Variants in SV2B observed in about 807,000 individuals in gnomAD.
SV2B encodes the protein solute carrier family 22 member B2.
A neutral mutation model predicts 73.9 loss-of-function variants in SV2B; 41 were observed. That is an observed-to-expected ratio of 0.56 (90% confidence interval 0.43 to 0.72). The LOEUF (loss-of-function observed/expected upper bound fraction) is 0.72, where lower values mean the gene tolerates loss of function less well. Among genes scored for constraint, SV2B ranks in the 30% least tolerant of loss-of-function variants. The pLI, the probability that SV2B is intolerant of heterozygous loss-of-function variation, is 0.00. For missense variants in SV2B, 764 were observed against 857.8 expected, an observed-to-expected ratio of 0.89 and a Z score of 1.37; for synonymous variants, 314 against 314.2, an observed-to-expected ratio of 1.00 and a Z score of 0.01.
At position 91,297,535 on chromosome 15, in the gene SV2B, G is replaced by T. The variant is rs980864774; in HGVS notation, c.*4983G>T. Reference sequence around the variant, plus strand: ...CTGGGGATTTGGAATCTGGGGTGGGGTCTGAAGAATCTGCATTTTTTAACA... The same window carrying T: ...CTGGGGATTTGGAATCTGGGGTGGGTTCTGAAGAATCTGCATTTTTTAACA... On this transcript the variant is annotated 3_prime_UTR_variant, in exon 13 of 13. Transcript: ENST00000394232. This position sits in a 1 kb window ranked among gnomAD's most constrained non-coding sequence, Gnocchi z 5.1. 1 of 152,176 alleles carries T rather than the reference G, an allele frequency of 6.6e-6. No homozygotes were observed. The highest frequency in any genetic ancestry group is 2.4e-5 in the African/African-American group (1 of 41,434). The allele number at this position is 152,176 out of a possible 1,614,324, so 9.4% of individuals were successfully genotyped here.
At chr15:91,125,533 A>T in intron 1 of SV2B, among the ~76,000 whole-genome samples, 1 of 152,048 alleles carries the variant, frequency 6.6e-6, no homozygotes, top group Admixed American at 6.5e-5. Flanking sequence ...GCACTTTGGG[A>T]GGCTGAGGCA....
rs1251160592 is a variant in SV2B at position 91,132,207 on chromosome 15, C to T, written c.-392+31844C>T. Among the ~76,000 whole-genome samples, 1 of 152,242 alleles carries T rather than the reference C, an allele frequency of 6.6e-6. No homozygotes were observed. The highest frequency in any genetic ancestry group is 1.5e-5 in the Non-Finnish European group (1 of 68,040). Reference sequence around the variant, plus strand: ...CTCAAGAGCCCAGCTACAGAATCGTCTCGGGTCCAAATACCCTCTAGAAGT... The same window carrying T: ...CTCAAGAGCCCAGCTACAGAATCGTTTCGGGTCCAAATACCCTCTAGAAGT... On this transcript the variant is annotated intron_variant, in intron 1 of 12. Coordinates refer to ENST00000394232, the MANE Select transcript of SV2B (RefSeq NM_001323032.3). The surrounding 1 kb of genome is among the most constrained non-coding windows in gnomAD (Gnocchi z 4.6).
chr15:91,170,380 C>T (rs1213139771), intron 1 of SV2B, among the ~76,000 whole-genome samples: 7 of 152,130 alleles, frequency 4.6e-5, no homozygotes, highest in African/African-American at 1.2e-4. Context: ...CTCCACCTCC[C>T]GGGTTCAAGT....
intron 1 of SV2B, among the ~76,000 whole-genome samples, chr15:91,225,132 C>T (rs1197399884): frequency 4.6e-5 from 7 of 152,176 alleles, no homozygotes; most frequent in African/African-American, 9.7e-5. Context: ...TGGAAAGATG[C>T]GTGTATGGTC....
At chr15:91,272,975 G>A (rs989672331) in intron 9 of SV2B, among the ~76,000 whole-genome samples, 5 of 151,772 alleles carry the variant, frequency 3.3e-5, no homozygotes, top group African/African-American at 9.7e-5. Flanking sequence ...TGGGATTACA[G>A]GCGCGTGCCA....
At chr15:91,151,532 G>T (rs2043312986) in intron 1 of SV2B, among the ~76,000 whole-genome samples, 1 of 152,182 alleles carries the variant, frequency 6.6e-6, no homozygotes, top group African/African-American at 2.4e-5. Context: ...CATGCCTGAA[G>T]GGCCATTGGA....
chr15:91,140,152 A>G lies in SV2B; in HGVS notation c.-392+39789A>G, dbSNP rs1026078951. The stretch of plus-strand genomic sequence containing the variant: ...GTTTGAGAACCACTGGTGTAGGCAA[A>G]CATTTCTGAGCTGTTGTCCATCCAG... On this transcript the variant is annotated intron_variant, in intron 1 of 12. Transcript: ENST00000394232. The surrounding 1 kb of genome is among the most constrained non-coding windows in gnomAD (Gnocchi z 4.4). 1.1e-4 allele frequency among the ~76,000 whole-genome samples: 16 copies of G among 152,196 alleles called. No homozygotes were observed. The highest frequency in any genetic ancestry group is 3.9e-4 in the Admixed American group (6 of 15,284).
At position 91,290,165 on chromosome 15, in the gene SV2B, CT is replaced by C. The variant is rs967373413; in HGVS notation, c.1868+487del. Among the ~76,000 whole-genome samples the C allele has an allele frequency of 1.3e-5, 2 of 152,018 alleles. No homozygotes were observed. The highest frequency in any genetic ancestry group is 4.8e-5 in the African/African-American group (2 of 41,366). On this transcript the variant is annotated intron_variant, in intron 12 of 12. Transcript: ENST00000394232. The surrounding 1 kb of genome is among the most constrained non-coding windows in gnomAD (Gnocchi z 4.7). ...GCACAGGTCGTATATGGGAAGAGGCCTTGTTTAAAGGCATAGGATCAAGGCC... is the reference window on the plus strand; with the variant it reads ...GCACAGGTCGTATATGGGAAGAGGCCTGTTTAAAGGCATAGGATCAAGGCC...
chr15:91,167,103 G>A (rs1048729807), intron 1 of SV2B, among the ~76,000 whole-genome samples: 6 of 152,004 alleles, frequency 3.9e-5, no homozygotes, highest in South Asian at 2.1e-4. Flanking sequence ...GTGAGCCACC[G>A]CGCCCGGCCG....
chr15:91,266,137 G>A (rs2048092188), intron 6 of SV2B, among the ~76,000 whole-genome samples: 1 of 152,264 alleles, frequency 6.6e-6, no homozygotes, highest in South Asian at 2.1e-4. Flanking sequence ...GCGAGACTGT[G>A]TCTCAAAAAA....
rs572360202 is a variant in SV2B, at chr15:91,130,469, A to G, written c.-392+30106A>G. On this transcript the variant is annotated intron_variant, in intron 1 of 12. Coordinates refer to ENST00000394232, the MANE Select transcript of SV2B (RefSeq NM_001323032.3). The surrounding 1 kb of genome is among the most constrained non-coding windows in gnomAD (Gnocchi z 5.6). ...TGCTAGAACCATAGAGAAGATTTGC[A>G]TTGAAAATGGAAGTGGAGGGTAAGG... Among the ~76,000 whole-genome samples the G allele has an allele frequency of 8.5e-5, 13 of 152,318 alleles. No individual in the cohort carries two copies. Among genetic ancestry groups the G allele is most frequent in the Non-Finnish European group, 1.3e-4 (9 of 68,034 alleles).
rs183358893 is a variant in SV2B at position 91,120,015 on chromosome 15, C to G, written c.-392+19652C>G. Among the ~76,000 whole-genome samples the G allele has an allele frequency of 4.6e-5, 7 of 152,310 alleles. No individual in the cohort carries two copies. In the East Asian group the frequency reaches 1.3e-3, roughly 29 times the overall value. ...ATAAGAAATACTTATAAGAAATATT[C>G]TCATAAGTGTTGCAAATATTTTCCA... On this transcript the variant is annotated intron_variant, in intron 1 of 12. Transcript: ENST00000394232.
rs370236392 is a variant in SV2B at position 91,140,676 on chromosome 15, G to A, written c.-392+40313G>A. Reference sequence around the variant, plus strand: ...TTTTTCTTTCCACACTAGGCTTCCTGGACTAACCAGGACTGGGTGTGAGAC... The same window carrying A: ...TTTTTCTTTCCACACTAGGCTTCCTAGACTAACCAGGACTGGGTGTGAGAC... On this transcript the variant is annotated intron_variant, in intron 1 of 12. Transcript: ENST00000394232. This position sits in a 1 kb window ranked among gnomAD's most constrained non-coding sequence, Gnocchi z 4.4. Among the ~76,000 whole-genome samples, 3 of 152,106 alleles carry A rather than the reference G, an allele frequency of 2.0e-5. No homozygotes were observed. The highest frequency in any genetic ancestry group is 2.1e-4 in the South Asian group (1 of 4,814).
chr15:91,109,450 T>C lies in SV2B; in HGVS notation c.-392+9087T>C, dbSNP rs554553858. ...ACTCACCTAGGTGTGATAGGTGTGA[T>C]TTACAATTCTGTTTTCATGATCATT... On this transcript the variant is annotated intron_variant, in intron 1 of 12. Coordinates refer to ENST00000394232, the MANE Select transcript of SV2B (RefSeq NM_001323032.3). 3.9e-5 allele frequency among the ~76,000 whole-genome samples: 6 copies of C among 152,332 alleles called. 1 individual carries two copies. The South Asian group carries it at 6.2e-4, about 16-fold the overall frequency.
intron 4 of SV2B, among the ~76,000 whole-genome samples, chr15:91,257,290 A>G (rs1476383673): frequency 2.6e-5 from 4 of 152,192 alleles, no homozygotes; most frequent in African/African-American, 7.2e-5. Context: ...TGGAGGTATC[A>G]TTACCTGTAT....
chr15:91,257,889 G>A lies in SV2B; in HGVS notation c.785-532G>A, dbSNP rs556934573. Among the ~76,000 whole-genome samples, 605 of 152,292 alleles carry A rather than the reference G, an allele frequency of 4.0e-3. 6 individuals carry two copies. The highest frequency in any genetic ancestry group is 6.2e-3 in the Non-Finnish European group (425 of 68,022). On this transcript the variant is annotated intron_variant, in intron 4 of 12. Transcript: ENST00000394232. ...CAGGAGTGCCCATTCTCATCACAGT[G>A]GTGTGTCCACGCATGTCTGCATGAG... is the stretch of plus-strand genomic sequence containing the variant.
chr15:91,103,567 C>T (rs2041797957), intron 1 of SV2B, among the ~76,000 whole-genome samples: 1 of 152,142 alleles, frequency 6.6e-6, no homozygotes, highest in Non-Finnish European at 1.5e-5. Context: ...ACATAAAGAT[C>T]AGTTTGCTGC....
At chr15:91,161,899 CAAAG>C (rs2043733129) in intron 1 of SV2B, among the ~76,000 whole-genome samples, 1 of 152,168 alleles carries the variant, frequency 6.6e-6, no homozygotes, top group Admixed American at 6.5e-5. Flanking sequence ...TTATAAAAGA[CAAAG>C]AGTGAATCTT....
At chr15:91,246,249 A>G (rs906812709) in intron 2 of SV2B, among the ~76,000 whole-genome samples, 6 of 152,226 alleles carry the variant, frequency 3.9e-5, no homozygotes, top group Admixed American at 2.6e-4. Context: ...TTTTCCTCAT[A>G]TTCCTTTAGT....
Sources: allele counts gnomAD v4.1 joint callset (sites outside exome capture counted in the v4.1 genomes callset), GRCh38; gene constraint gnomAD v4.1.1; non-coding constraint Gnocchi (gnomAD v3.1); transcripts MANE v1.5; gene names NCBI Gene and HGNC (gene_info 2026-07-23, HGNC 2026-07-21).